VTCN1: variants seen among roughly 807,000 people sequenced by gnomAD.
VTCN1 encodes V-set domain-containing T-cell activation inhibitor 1.
Under a neutral mutation model 26.5 loss-of-function variants are expected in VTCN1, and 26 were observed. The ratio of observed to expected loss-of-function variants is 0.98; its 90% CI spans 0.72 to 1.36. The LOEUF is 1.36. Among genes scored for constraint, VTCN1 ranks in the 40% most tolerant of loss-of-function variants. VTCN1 has a pLI of 0.00. For synonymous variants in VTCN1, 116 were observed against 130.7 expected (o/e 0.89, Z 0.77); for missense variants, 298 against 337.7 (o/e 0.88, Z 0.92).
intron 1 of VTCN1, among the ~76,000 whole-genome samples, chr1:117,194,997 G>T (rs1274371254): frequency 2.6e-5 from 4 of 152,074 alleles, no homozygotes; most frequent in Non-Finnish European, 5.9e-5. Flanking sequence ...CGGGCACGGT[G>T]GCTCATGCCT....
intron 1 of VTCN1, among the ~76,000 whole-genome samples, chr1:117,189,025 C>T (rs1192066935): frequency 6.6e-6 from 1 of 152,118 alleles, no homozygotes; most frequent in Non-Finnish European, 1.5e-5. Flanking sequence ...TCACGGTAAA[C>T]AAAATATCAG....
rs1233738905 is a variant in VTCN1 at position 117,156,653 on chromosome 1, G to A, written c.366C>T (p.Leu122=). ...AACATTTGTAGGTGCCAGCATCTGTGAGTTGCACGTTTTTCAGCCGCAAAG... is the reference window on the plus strand; with the variant it reads ...AACATTTGTAGGTGCCAGCATCTGTAAGTTGCACGTTTTTCAGCCGCAAAG... ...NASLRLKNVQ[L]TDAGTYKCYI... is the part of the protein sequence containing the mutation. Residue 122 remains leucine, a synonymous_variant, in exon 3 of 6, where the codon CTC becomes CTT. Coordinates refer to ENST00000369458, the MANE Select transcript of VTCN1 (RefSeq NM_024626.4). The A allele has an allele frequency of 6.2e-7, 1 of 1,614,072 alleles. No individual in the cohort carries two copies.
chr1:117,210,316 G>C (rs1027344282), intron 1 of VTCN1, among the ~76,000 whole-genome samples: 3 of 152,230 alleles, frequency 2.0e-5, no homozygotes, highest in Non-Finnish European at 4.4e-5. Context: ...CTGGGGAGGG[G>C]TGTTGGTGTG....
At chr1:117,179,826 A>G (rs538898443) in intron 1 of VTCN1, among the ~76,000 whole-genome samples, 1 of 152,306 alleles carries the variant, frequency 6.6e-6, no homozygotes, top group South Asian at 2.1e-4. Flanking sequence ...TCTAATCCCT[A>G]TGACGACCTA....
chr1:117,178,610 T>TTTTTGGG (rs60314298), intron 1 of VTCN1, among the ~76,000 whole-genome samples: 1 of 148,934 alleles, frequency 6.7e-6, no homozygotes. Context: ...TTTTTTTTTT[T>TTTTTGGG]AGAGACAGGG....
chr1:117,197,046 G>A (rs1028541796), intron 1 of VTCN1, among the ~76,000 whole-genome samples: 27 of 152,134 alleles, frequency 1.8e-4, no homozygotes, highest in African/African-American at 5.8e-4. Flanking sequence ...GCTAGCAGGA[G>A]CCTCTACCCA....
In VTCN1 at chr1:117,183,642, C is replaced by A. The variant is rs983271544; in HGVS notation, c.33-13471G>T. ...TAAACTTGAGTCCTCTTGGACATTT[C>A]TCTCCACAAACAAGGGGCAAAATAG... On this transcript the variant is annotated intron_variant, in intron 1 of 5. Transcript: ENST00000369458. The surrounding 1 kb of genome is among the most constrained non-coding windows in gnomAD (Gnocchi z 4.1). Among the ~76,000 whole-genome samples, 1 of 152,118 alleles carries A rather than the reference C, an allele frequency of 6.6e-6. No individual in the cohort carries two copies. The highest frequency in any genetic ancestry group is 1.5e-5 in the Non-Finnish European group (1 of 68,028).
At chr1:117,206,426 G>A (rs1225006428) in intron 1 of VTCN1, among the ~76,000 whole-genome samples, 4 of 152,174 alleles carry the variant, frequency 2.6e-5, no homozygotes, top group African/African-American at 4.8e-5. Context: ...GGATGTGCCA[G>A]GAACATAATT....
At position 117,161,535 on chromosome 1, in the gene VTCN1, C is replaced by T. The variant is rs1298049079; in HGVS notation, c.98-4614G>A. ...CTCTGGAACTAGTTTGTGAGCTTTT[C>T]AAGAGCAGAAACTGTCTTAATCCTA... On this transcript the variant is annotated intron_variant, in intron 2 of 5. Transcript: ENST00000369458. This position sits in a 1 kb window ranked among gnomAD's most constrained non-coding sequence, Gnocchi z 4.3. 2.0e-5 allele frequency among the ~76,000 whole-genome samples: 3 copies of T among 152,186 alleles called. No homozygotes were observed. Among genetic ancestry groups the T allele is most frequent in the Non-Finnish European group, 4.4e-5 (3 of 68,034 alleles).
chr1:117,160,880 A>G (rs764838341), intron 2 of VTCN1, among the ~76,000 whole-genome samples: 5 of 152,224 alleles, frequency 3.3e-5, no homozygotes, highest in Non-Finnish European at 7.3e-5. Context: ...GAGGAAGAGA[A>G]CTGGAGAAGC....
chr1:117,152,000 T>C (rs1314964988), intron 4 of VTCN1, among the ~76,000 whole-genome samples: 2 of 152,234 alleles, frequency 1.3e-5, no homozygotes, highest in African/African-American at 4.8e-5. Flanking sequence ...GCTATTTTTA[T>C]ATCATCTTGG....
At chr1:117,201,266 C>T (rs1648773175) in intron 1 of VTCN1, among the ~76,000 whole-genome samples, 1 of 152,168 alleles carries the variant, frequency 6.6e-6, no homozygotes, top group Non-Finnish European at 1.5e-5. Context: ...AGCCCCTCAG[C>T]AGCCTCTTGA....
intron 1 of VTCN1, among the ~76,000 whole-genome samples, chr1:117,190,948 G>T (rs1235230638): frequency 2.6e-5 from 4 of 152,124 alleles, no homozygotes; most frequent in African/African-American, 9.7e-5. Context: ...TTAATTGCCT[G>T]ACAAGAATTT....
chr1:117,187,309 CAAAA>C (rs11415949), intron 1 of VTCN1, among the ~76,000 whole-genome samples: 49 of 73,240 alleles, frequency 6.7e-4, no homozygotes, highest in East Asian at 4.5e-4. Context: ...GACCTTGTCT[CAAAA>C]AAAAAAAAAA....
At chr1:117,170,044 T>G in intron 2 of VTCN1, 63 bp downstream of exon 2, 1 of 1,475,850 alleles carries the variant, frequency 6.8e-7, no homozygotes, top group South Asian at 1.1e-5. Flanking sequence ...GCTAACGCAC[T>G]GAGTGATTAG....
chr1:117,168,309 T>C (rs1428891169), intron 2 of VTCN1, among the ~76,000 whole-genome samples: 2 of 152,206 alleles, frequency 1.3e-5, no homozygotes, highest in South Asian at 2.1e-4. Flanking sequence ...TGAAGGGAAG[T>C]GGGGGAAGGA....
intron 2 of VTCN1, among the ~76,000 whole-genome samples, chr1:117,166,204 T>C (rs1409276006): frequency 6.6e-6 from 1 of 152,198 alleles, no homozygotes; most frequent in African/African-American, 2.4e-5. Flanking sequence ...GCTGTCGCTA[T>C]GCAACAGGAA....
At chr1:117,173,224 C>T (rs1321511757) in intron 1 of VTCN1, 2 of 714,346 alleles carry the variant, frequency 2.8e-6, no homozygotes, top group East Asian at 5.4e-5. Context: ...GTCAGCAAGA[C>T]CATGAACCCA....
At chr1:117,174,542 G>A (rs997991392) in intron 1 of VTCN1, among the ~76,000 whole-genome samples, 4 of 152,148 alleles carry the variant, frequency 2.6e-5, no homozygotes, top group Non-Finnish European at 4.4e-5. Context: ...CGAGGCGGGC[G>A]GATTACCTGA....
Sources: allele counts gnomAD v4.1 joint callset (sites outside exome capture counted in the v4.1 genomes callset), GRCh38; gene constraint gnomAD v4.1.1; non-coding constraint Gnocchi (gnomAD v3.1); transcripts MANE v1.5; gene names NCBI Gene and HGNC (gene_info 2026-07-23, HGNC 2026-07-21).